The following MCM10 variants were observed in gnomAD, a reference collection of about 807,000 sequenced individuals.
MCM10 encodes the protein minichromosome maintenance 10 replication initiation factor.
In MCM10, 91 loss-of-function variants were observed where a neutral mutation model predicts 109.9. That is an observed-to-expected ratio of 0.83 (90% CI 0.70 to 0.99). The LOEUF is 0.99. Among genes scored for constraint, MCM10 ranks in the 50% least tolerant of loss-of-function variants. The pLI is 0.00. For synonymous variants in MCM10, 380 were observed against 387.2 expected (o/e 0.98, Z 0.22); for missense variants, 1,077 against 1,061.2 (o/e 1.01, Z -0.21).
At position 13,182,353 on chromosome 10, in the gene MCM10, G is replaced by A. The variant is rs138822826; in HGVS notation, c.931-580G>A. On this transcript the variant is annotated intron_variant, in intron 7 of 19. Coordinates refer to ENST00000378714, the MANE Select transcript of MCM10 (RefSeq NM_018518.5). This position sits in a 1 kb window ranked among gnomAD's most constrained non-coding sequence, Gnocchi z 4.2. The stretch of plus-strand genomic sequence containing the variant: ...TAGCTGGGGCTGGTAGCACATGCCT[G>A]TAGTCCCAGCTGCTTGGGAGGCTGA... Among the ~76,000 whole-genome samples, 539 of 152,196 alleles carry A rather than the reference G, an allele frequency of 3.5e-3. 2 individuals are homozygous for A. The highest frequency in any genetic ancestry group is 0.012 in the African/African-American group (511 of 41,520).
intron 17 of MCM10, 71 bp from the exon 18 acceptor site, chr10:13,204,148 C>G: frequency 1.3e-6 from 2 of 1,566,082 alleles, no homozygotes; most frequent in East Asian, 2.3e-5. Context: ...GCAGATTGCC[C>G]TTACTGCAGC....
At chr10:13,205,864 T>C (rs530611458) in intron 18 of MCM10, among the ~76,000 whole-genome samples, 47 of 152,272 alleles carry the variant, frequency 3.1e-4, no homozygotes, top group African/African-American at 1.1e-3. Context: ...GGGGGCAACA[T>C]CAGATACGGA....
At chr10:13,174,575 CA>C (rs1834116254) in intron 5 of MCM10, among the ~76,000 whole-genome samples, 1 of 152,034 alleles carries the variant, frequency 6.6e-6, no homozygotes, top group Non-Finnish European at 1.5e-5. Flanking sequence ...CTATCTAGTA[CA>C]GTAGCCACTA....
At chr10:13,169,112 A>C (rs1443201537) in intron 2 of MCM10, among the ~76,000 whole-genome samples, 6 of 152,246 alleles carry the variant, frequency 3.9e-5, no homozygotes, top group Non-Finnish European at 5.9e-5. Flanking sequence ...GGCCAGGTAG[A>C]GAACCACCTG....
rs539662879 is a variant in MCM10 at position 13,165,028 on chromosome 10, T to C, written c.7+819T>C. Among the ~76,000 whole-genome samples, 4 of 152,302 alleles carry C rather than the reference T, an allele frequency of 2.6e-5. No individual in the cohort carries two copies. The South Asian group carries it at 8.3e-4, about 32-fold the overall frequency. ...TGCCCTTTAAAACAAAACTTGAAAT[T>C]CCTCACACTGTGATGCACAGTGGAC... On this transcript the variant is annotated intron_variant, in intron 2 of 19. Transcript: ENST00000378714.
At chr10:13,188,779 A>G in intron 9 of MCM10, 102 bp from the exon 10 acceptor site, 2 of 996,178 alleles carry the variant, frequency 2.0e-6, no homozygotes, top group South Asian at 1.3e-5. Flanking sequence ...AGGACTCTGC[A>G]TGCGTCATGT....
intron 1 of MCM10, among the ~76,000 whole-genome samples, chr10:13,163,329 C>G (rs541792960): frequency 6.6e-6 from 1 of 152,200 alleles, no homozygotes; most frequent in Admixed American, 6.5e-5. Flanking sequence ...AGAGCGAGAT[C>G]CTGTCTAAAA....
intron 16 of MCM10, among the ~76,000 whole-genome samples, chr10:13,200,286 C>T (rs1834480294): frequency 6.6e-6 from 1 of 152,174 alleles, no homozygotes; most frequent in Non-Finnish European, 1.5e-5. Context: ...ATAGAGCACA[C>T]AGAAGCCAGG....
chr10:13,206,831 G>T (rs1231596033), intron 18 of MCM10, among the ~76,000 whole-genome samples: 2 of 151,044 alleles, frequency 1.3e-5, no homozygotes, highest in East Asian at 3.9e-4. Flanking sequence ...TTGAGACAGG[G>T]TCTCACTCTG....
chr10:13,201,372 T>A (rs903865266), intron 16 of MCM10, 49 bp from the exon 17 acceptor site: 2 of 1,096,302 alleles, frequency 1.8e-6, no homozygotes, highest in Admixed American at 1.8e-5. Context: ...GCTGCCTGAG[T>A]GCATACTGGA....
At chr10:13,188,786 A>G in intron 9 of MCM10, 95 bp from the exon 10 acceptor site, 1 of 1,075,718 alleles carries the variant, frequency 9.3e-7, no homozygotes, top group East Asian at 2.4e-5. Flanking sequence ...TGCATGCGTC[A>G]TGTTCCGGGA....
At chr10:13,163,826 C>G (rs1016472402) in intron 1 of MCM10, among the ~76,000 whole-genome samples, 2 of 152,164 alleles carry the variant, frequency 1.3e-5, no homozygotes, top group South Asian at 2.1e-4. Flanking sequence ...GCCACTGTAC[C>G]TAGCCAACCC....
chr10:13,178,848 A>C (rs1487194542), intron 6 of MCM10, among the ~76,000 whole-genome samples: 1 of 152,114 alleles, frequency 6.6e-6, no homozygotes, highest in African/African-American at 2.4e-5. Flanking sequence ...AACATAGGCT[A>C]TTTTTCCATA....
chr10:13,167,312 A>G (rs1455216967), intron 2 of MCM10, among the ~76,000 whole-genome samples: 3 of 152,108 alleles, frequency 2.0e-5, no homozygotes, highest in Admixed American at 2.0e-4. Flanking sequence ...AACACATTGT[A>G]GGTAGGCTGA....
intron 2 of MCM10, 101 bp from the exon 3 acceptor site, chr10:13,170,820 AG>A: frequency 1.1e-6 from 1 of 893,532 alleles, no homozygotes. Context: ...TGTACCCATT[AG>A]GTAGTTTCTC....
Position 13,171,270 on chromosome 10 carries a change from T to C in MCM10, c.349+7T>C. ...ACGAATGAAGAGTTGCAAGGTGCCC[T>C]AACTACTTGCCTTCCTTATTTCTTT... On this transcript the variant is annotated splice_region_variant and intron_variant, in intron 3 of 19. Transcript: ENST00000378714. The C allele has an allele frequency of 6.3e-7, 1 of 1,593,556 alleles. No individual in the cohort carries two copies. The highest frequency in any genetic ancestry group is 2.2e-5 in the East Asian group (1 of 44,624).
Position 13,171,131 on chromosome 10 carries a change from A to T in MCM10, c.217A>T (p.Asn73Tyr), listed in dbSNP as rs1461719150. 6.2e-7 allele frequency: 1 copy of T among 1,614,234 alleles called. No individual in the cohort carries two copies. The highest frequency in any genetic ancestry group is 8.5e-7 in the Non-Finnish European group (1 of 1,180,040). Residue 73 changes from asparagine (N) to tyrosine (Y), a missense_variant, in exon 3 of 20, where the codon AAT (asparagine) becomes TAT (tyrosine). Coordinates refer to ENST00000378714, the MANE Select transcript of MCM10 (RefSeq NM_018518.5). ...AGGAGAGACAAGAGACGAAAAGGAA[A>T]ATCTGGCCACTCTCTTTGGAGATAT... is the stretch of plus-strand genomic sequence containing the variant. ...ETGETRDEKE[N>Y]LATLFGDMED... is the part of the protein sequence containing the mutation.
intron 8 of MCM10, among the ~76,000 whole-genome samples, chr10:13,183,972 C>A (rs1296067827): frequency 6.6e-6 from 1 of 152,090 alleles, no homozygotes; most frequent in Non-Finnish European, 1.5e-5. Context: ...GGTTCTCCTG[C>A]CTCACCCTCA....
chr10:13,175,034 A>C (rs1834122415), intron 5 of MCM10, among the ~76,000 whole-genome samples: 1 of 152,150 alleles, frequency 6.6e-6, no homozygotes, highest in Admixed American at 6.5e-5. Context: ...AGGCTGAGGC[A>C]GGAGAATTGC....
Sources: gnomAD v4.1 joint callset for allele counts (sites outside exome capture counted in the v4.1 genomes callset) on GRCh38, gnomAD v4.1.1 for gene constraint, Gnocchi (gnomAD v3.1) non-coding constraint, MANE v1.5 for transcripts, NCBI Gene and HGNC (gene_info 2026-07-23, HGNC 2026-07-21) for gene names.